The following EPHB1 variants were observed in gnomAD, a reference collection of about 807,000 sequenced individuals.
The protein encoded by EPHB1 is ephrin type-B receptor 1.
Under a neutral mutation model 94.4 loss-of-function variants are expected in EPHB1, and 30 were observed. That is an observed-to-expected ratio of 0.32 (90% CI 0.24 to 0.43). EPHB1 has a LOEUF of 0.43. Ranked by LOEUF, EPHB1 falls within the 20% of genes least tolerant of loss-of-function variation. The pLI, the probability that EPHB1 is intolerant of heterozygous loss-of-function variation, is 1.00. For synonymous variants in EPHB1, 522 were observed against 489.1 expected (o/e 1.07, Z -0.89); for missense variants, 1,055 against 1,308.3 (o/e 0.81, Z 2.99).
intron 1 of EPHB1, among the ~76,000 whole-genome samples, chr3:134,835,179 C>T (rs2036650741): frequency 6.6e-6 from 1 of 152,176 alleles, no homozygotes; most frequent in South Asian, 2.1e-4. Flanking sequence ...AGGTGTGTCA[C>T]TCCTAATTGT....
intron 3 of EPHB1, among the ~76,000 whole-genome samples, chr3:135,044,949 A>C (rs1466625243): frequency 6.6e-6 from 1 of 152,210 alleles, no homozygotes; most frequent in East Asian, 1.9e-4. Context: ...GGCATCTCAG[A>C]ATCAAGGCTG....
intron 12 of EPHB1, among the ~76,000 whole-genome samples, chr3:135,215,241 G>A (rs368054966): frequency 1.8e-4 from 28 of 151,572 alleles, no homozygotes; most frequent in East Asian, 1.4e-3. Context: ...TCGGCTCACC[G>A]CAACCTCCAC....
At chr3:135,218,682 T>G (rs1337122683) in intron 12 of EPHB1, among the ~76,000 whole-genome samples, 2 of 152,238 alleles carry the variant, frequency 1.3e-5, no homozygotes, top group African/African-American at 4.8e-5. Context: ...CCAATACATA[T>G]TTTTAAAGCA....
At chr3:135,237,136 A>G (rs886407511) in intron 12 of EPHB1, among the ~76,000 whole-genome samples, 1 of 152,090 alleles carries the variant, frequency 6.6e-6, no homozygotes, top group African/African-American at 2.4e-5. Flanking sequence ...CTGAGGGACT[A>G]AAGTGCCTCT....
Position 135,039,615 on chromosome 3 carries a change from G to A in EPHB1, c.806-66833G>A, listed in dbSNP as rs550938494. On this transcript the variant is annotated intron_variant, in intron 3 of 15. Coordinates refer to ENST00000398015, the MANE Select transcript of EPHB1 (RefSeq NM_004441.5). Reference sequence around the variant, plus strand: ...GGCCCGGCGAGAAATCGAGCACAGCGCCAGTGGGCCGGCACTGCTGGTGGA... The same window carrying A: ...GGCCCGGCGAGAAATCGAGCACAGCACCAGTGGGCCGGCACTGCTGGTGGA... 7.9e-5 allele frequency among the ~76,000 whole-genome samples: 12 copies of A among 152,344 alleles called. No homozygotes were observed. In the East Asian group the frequency reaches 1.2e-3, roughly 15 times the overall value.
intron 3 of EPHB1, among the ~76,000 whole-genome samples, chr3:135,105,212 A>G (rs1426199624): frequency 6.6e-6 from 1 of 152,226 alleles, no homozygotes; most frequent in Non-Finnish European, 1.5e-5. Flanking sequence ...ATGGCACTTC[A>G]ATTATATGAT....
At chr3:135,157,235 ACTC>A (rs1212234005) in intron 6 of EPHB1, among the ~76,000 whole-genome samples, 1 of 151,906 alleles carries the variant, frequency 6.6e-6, no homozygotes, top group Non-Finnish European at 1.5e-5. Context: ...GAGACCATAT[ACTC>A]CTCCTCTTCA....
At chr3:134,881,548 G>C (rs2037730623) in intron 1 of EPHB1, among the ~76,000 whole-genome samples, 1 of 152,188 alleles carries the variant, frequency 6.6e-6, no homozygotes, top group Non-Finnish European at 1.5e-5. Context: ...ACCTACTAGT[G>C]GAGACTGATG....
chr3:134,997,635 C>T (rs1370670610), intron 3 of EPHB1, among the ~76,000 whole-genome samples: 2 of 152,186 alleles, frequency 1.3e-5, no homozygotes, highest in Non-Finnish European at 2.9e-5. Flanking sequence ...TTTGTTTCTG[C>T]TATAACGTTT....
At chr3:134,988,293 A>G (rs1250819407) in intron 3 of EPHB1, among the ~76,000 whole-genome samples, 1 of 152,262 alleles carries the variant, frequency 6.6e-6, no homozygotes, top group Non-Finnish European at 1.5e-5. Flanking sequence ...AGGGCTGGGC[A>G]CAAAGGAGGG....
chr3:134,940,722 G>T (rs567373917), intron 2 of EPHB1, among the ~76,000 whole-genome samples: 6 of 152,254 alleles, frequency 3.9e-5, no homozygotes, highest in African/African-American at 1.4e-4. Flanking sequence ...TTCCTTTCCT[G>T]CTTCTTAGTA....
At chr3:134,855,046 A>G (rs2037082093) in intron 1 of EPHB1, among the ~76,000 whole-genome samples, 1 of 152,192 alleles carries the variant, frequency 6.6e-6, no homozygotes, top group Non-Finnish European at 1.5e-5. Context: ...ATATATACAC[A>G]TGCGCACTCA....
chr3:135,259,143 G>A lies in EPHB1; in HGVS notation c.*23G>A, dbSNP rs771132127. On this transcript the variant is annotated 3_prime_UTR_variant, in exon 16 of 16. Transcript: ENST00000398015. ...TGAGAACTCTTGTTTCTTGGGGAAG[G>A]AGAGGAGGGAAAAGGACCAGGGTCA... The A allele has an allele frequency of 1.3e-5, 21 of 1,576,812 alleles. No individual in the cohort carries two copies. In the South Asian group the frequency reaches 2.2e-4, roughly 16 times the overall value.
intron 12 of EPHB1, among the ~76,000 whole-genome samples, chr3:135,203,514 C>T (rs866574300): frequency 6.6e-6 from 1 of 152,050 alleles, no homozygotes; most frequent in African/African-American, 2.4e-5. Flanking sequence ...GCTTTGCCGG[C>T]TAAGAGGCAA....
chr3:135,236,932 G>C (rs556409347), intron 12 of EPHB1, among the ~76,000 whole-genome samples: 66 of 152,284 alleles, frequency 4.3e-4, no homozygotes, highest in African/African-American at 1.5e-3. Context: ...TCATACTTGG[G>C]TGGGCTCTAG....
intron 1 of EPHB1, among the ~76,000 whole-genome samples, chr3:134,893,241 G>C (rs1478692398): frequency 6.6e-6 from 1 of 151,960 alleles, no homozygotes; most frequent in Non-Finnish European, 1.5e-5. Flanking sequence ...TTGTTTGTTT[G>C]TTTGCATCTG....
intron 3 of EPHB1, among the ~76,000 whole-genome samples, chr3:134,992,956 A>T (rs954319917): frequency 6.6e-6 from 1 of 152,088 alleles, no homozygotes; most frequent in African/African-American, 2.4e-5. Flanking sequence ...TTTGAGGCTG[A>T]CTGATGGACT....
At chr3:134,914,722 G>A (rs1253029007) in intron 1 of EPHB1, among the ~76,000 whole-genome samples, 3 of 152,168 alleles carry the variant, frequency 2.0e-5, no homozygotes, top group African/African-American at 7.2e-5. Context: ...AAGGTTCACA[G>A]AGTTAAAGAC....
At chr3:134,899,035 C>A (rs559960515) in intron 1 of EPHB1, among the ~76,000 whole-genome samples, 1 of 152,220 alleles carries the variant, frequency 6.6e-6, no homozygotes, top group Admixed American at 6.5e-5. Flanking sequence ...TTGATTGTCT[C>A]CCAATAGATG....
Sources: allele counts gnomAD v4.1 joint callset (sites outside exome capture counted in the v4.1 genomes callset), GRCh38; gene constraint gnomAD v4.1.1; transcripts MANE v1.5; gene names NCBI Gene and HGNC (gene_info 2026-07-23, HGNC 2026-07-21).